TANK: variants seen among roughly 807,000 people sequenced by gnomAD.
TANK encodes TRAF family member-associated NF-kappa-B activator.
TANK carries 15 observed loss-of-function variants against 43.6 expected under a neutral mutation model. The ratio of observed to expected loss-of-function variants is 0.34; its 90% confidence interval spans 0.23 to 0.53. TANK has a LOEUF of 0.53. Ranked by LOEUF, TANK falls within the 20% of genes least tolerant of loss-of-function variation. The probability of loss-of-function intolerance (pLI) is 0.94; values close to 1 mark genes in which losing one functional copy is unlikely to be tolerated. For synonymous variants in TANK, 162 were observed against 178.2 expected (o/e 0.91, Z 0.73); for missense variants, 417 against 498.6 (o/e 0.84, Z 1.56).
At chr2:161,184,027 C>T (rs975053055) in intron 2 of TANK, among the ~76,000 whole-genome samples, 3 of 151,636 alleles carry the variant, frequency 2.0e-5, no homozygotes, top group Non-Finnish European at 4.4e-5. Context: ...CAATGTGAGT[C>T]GATACTTGAG....
At chr2:161,141,510 G>A (rs1205013491) in intron 1 of TANK, among the ~76,000 whole-genome samples, 2 of 152,032 alleles carry the variant, frequency 1.3e-5, no homozygotes, top group African/African-American at 4.8e-5. Flanking sequence ...TGGCCCCAAT[G>A]TATGTTGTTC....
chr2:161,191,009 A>C (rs1035746388), intron 2 of TANK, among the ~76,000 whole-genome samples: 1 of 152,154 alleles, frequency 6.6e-6, no homozygotes, highest in African/African-American at 2.4e-5. Flanking sequence ...ATTGCTATTC[A>C]ACTTGTCACT....
At chr2:161,171,529 C>T (rs1684938332) in intron 1 of TANK, among the ~76,000 whole-genome samples, 1 of 152,168 alleles carries the variant, frequency 6.6e-6, no homozygotes. Context: ...TGGTTAAGAG[C>T]ACAGAGTAAA....
At chr2:161,212,235 A>G (rs1451355122) in intron 4 of TANK, 1 of 399,066 alleles carries the variant, frequency 2.5e-6, no homozygotes, top group Non-Finnish European at 3.4e-6. Context: ...TAATTTTTGT[A>G]TTTTTAGTAG....
chr2:161,158,894 A>C (rs1450731670), upstream of TANK, among the ~76,000 whole-genome samples: 1 of 152,222 alleles, frequency 6.6e-6, no homozygotes, highest in Non-Finnish European at 1.5e-5. Context: ...AAAGGCCTTT[A>C]CCTCCCCAAA....
chr2:161,232,967 A>T, intron 7 of TANK: 1 of 1,043,038 alleles, frequency 9.6e-7, no homozygotes, highest in African/African-American at 1.6e-5. Flanking sequence ...GTTACAGTTT[A>T]GGATGGAAAG....
intron 1 of TANK, among the ~76,000 whole-genome samples, chr2:161,138,964 T>A (rs1199497327): frequency 6.6e-6 from 1 of 152,208 alleles, no homozygotes; most frequent in Non-Finnish European, 1.5e-5. Context: ...ATATATTTTG[T>A]TTTGTCTTCT....
intron 1 of TANK, among the ~76,000 whole-genome samples, chr2:161,170,174 TAGG>T (rs1180564166): frequency 6.6e-6 from 1 of 152,166 alleles, no homozygotes; most frequent in Non-Finnish European, 1.5e-5. Flanking sequence ...AGAGTATTGA[TAGG>T]AGGAACATCA....
chr2:161,226,528 A>G (rs1687621747), intron 6 of TANK, among the ~76,000 whole-genome samples: 1 of 152,196 alleles, frequency 6.6e-6, no homozygotes, highest in African/African-American at 2.4e-5. Context: ...AAAAATATAG[A>G]AGAACTATTT....
intron 2 of TANK, among the ~76,000 whole-genome samples, chr2:161,189,878 G>A (rs996808583): frequency 1.3e-5 from 2 of 152,074 alleles, no homozygotes; most frequent in African/African-American, 4.8e-5. Context: ...AACCATGAAA[G>A]ACTTAGAAGA....
intron 1 of TANK, among the ~76,000 whole-genome samples, chr2:161,146,504 G>T (rs1333486010): frequency 6.6e-6 from 1 of 152,210 alleles, no homozygotes; most frequent in East Asian, 1.9e-4. Context: ...GTTTTTGTGG[G>T]GAATTTTTTT....
chr2:161,157,247 A>G (rs1322713033), upstream of TANK, among the ~76,000 whole-genome samples: 1 of 152,182 alleles, frequency 6.6e-6, no homozygotes, highest in African/African-American at 2.4e-5. Flanking sequence ...CCAGTATCCT[A>G]TCAAATTCTG....
intron 1 of TANK, among the ~76,000 whole-genome samples, chr2:161,164,905 T>C (rs1684605409): frequency 6.6e-6 from 1 of 152,134 alleles, no homozygotes; most frequent in Non-Finnish European, 1.5e-5. Context: ...GTTTGTCTCA[T>C]GGAAAATTTC....
intron 2 of TANK, among the ~76,000 whole-genome samples, chr2:161,182,704 A>C (rs1365334155): frequency 6.6e-6 from 1 of 152,102 alleles, no homozygotes; most frequent in East Asian, 1.9e-4. Flanking sequence ...TGGAGACTTC[A>C]TTGATTGTCC....
In TANK at chr2:161,197,003, C is replaced by T. The variant is rs558553254; in HGVS notation, c.100-6484C>T. Among the ~76,000 whole-genome samples the T allele has an allele frequency of 3.9e-5, 6 of 152,268 alleles. No homozygotes were observed. In the East Asian group the frequency reaches 5.8e-4, roughly 15 times the overall value. ...AAAAATTTGGTTGCGGAATAGTTCTCATTTGTAAAAAAGTGTGATACGTAT... is the reference window on the plus strand; with the variant it reads ...AAAAATTTGGTTGCGGAATAGTTCTTATTTGTAAAAAAGTGTGATACGTAT... On this transcript the variant is annotated intron_variant, in intron 2 of 7. Coordinates refer to ENST00000392749, the MANE Select transcript of TANK (RefSeq NM_001199135.3).
intron 6 of TANK, among the ~76,000 whole-genome samples, chr2:161,227,651 TAGC>T (rs776955333): frequency 5.3e-5 from 8 of 152,278 alleles, no homozygotes; most frequent in Non-Finnish European, 8.8e-5. Flanking sequence ...TCATTTCCAT[TAGC>T]AGCAGCAGCA....
intron 2 of TANK, among the ~76,000 whole-genome samples, chr2:161,188,428 G>A (rs1284104076): frequency 6.6e-6 from 1 of 152,076 alleles, no homozygotes; most frequent in Non-Finnish European, 1.5e-5. Flanking sequence ...GATTGGATAA[G>A]CTAGTAAAAC....
chr2:161,150,578 ATCT>A lies in TANK; in HGVS notation c.-50+13526_-50+13528del, dbSNP rs1308224325. On this transcript the variant is annotated intron_variant, in intron 1 of 7. Coordinates refer to the TANK transcript ENST00000259075. ...TATAAAGTTAGATTATTGATTTCAAATCTTCTTCTTCTTTTTTTTTTTTTTTTT... is the reference window on the plus strand; with the variant it reads ...TATAAAGTTAGATTATTGATTTCAAATCTTCTTCTTTTTTTTTTTTTTTTT... Among the ~76,000 whole-genome samples, 281 of 141,334 alleles carry A rather than the reference ATCT, an allele frequency of 2.0e-3. 1 individual carries two copies. The highest frequency in any genetic ancestry group is 5.5e-3 in the African/African-American group (205 of 37,514). 92.7% of individuals were successfully genotyped at this position (141,334 alleles called of 152,430 possible). A position where few individuals can be genotyped will look rare whatever the true frequency, so the allele number is the denominator to read the frequency against.
intron 1 of TANK, among the ~76,000 whole-genome samples, chr2:161,149,656 C>T (rs554410425): frequency 2.0e-5 from 3 of 151,450 alleles, no homozygotes; most frequent in Admixed American, 2.0e-4. Context: ...TAAGGAAGTT[C>T]CCTTCTAATC....
Sources: gnomAD v4.1 joint callset for allele counts (sites outside exome capture counted in the v4.1 genomes callset) on GRCh38, gnomAD v4.1.1 for gene constraint, MANE v1.5 for transcripts, NCBI Gene and HGNC (gene_info 2026-07-23, HGNC 2026-07-21) for gene names.